PTPRT: variants seen among roughly 807,000 people sequenced by gnomAD.
PTPRT encodes the protein receptor-type tyrosine-protein phosphatase T.
PTPRT carries 56 observed loss-of-function variants against 176.8 expected under a neutral mutation model. That is an observed-to-expected ratio of 0.32 (90% CI 0.26 to 0.40). PTPRT has a LOEUF of 0.40. Ranked by LOEUF, PTPRT falls within the 10% of genes least tolerant of loss-of-function variation. The pLI, the probability that PTPRT is intolerant of heterozygous loss-of-function variation, is 1.00. For synonymous variants in PTPRT, 783 were observed against 739.0 expected (o/e 1.06, Z -0.96); for missense variants, 1,540 against 1,908.2 (o/e 0.81, Z 3.60).
At chr20:42,600,288 C>T (rs146155121) in intron 7 of PTPRT, among the ~76,000 whole-genome samples, 2 of 151,880 alleles carry the variant, frequency 1.3e-5, no homozygotes, top group East Asian at 1.9e-4. Context: ...TACAGGTGTG[C>T]GCCATAAAGT....
intron 7 of PTPRT, among the ~76,000 whole-genome samples, chr20:42,542,820 T>C (rs1470801590): frequency 6.6e-6 from 1 of 152,224 alleles, no homozygotes; most frequent in East Asian, 1.9e-4. Flanking sequence ...AAGCTCTTTA[T>C]GTAATCAAGT....
chr20:42,260,168 TAGACTACAAA>T (rs1160307846), intron 13 of PTPRT, among the ~76,000 whole-genome samples: 1 of 102,814 alleles, frequency 9.7e-6, no homozygotes. Context: ...TAAACAAAAC[TAGACTACAAA>T]CTTGATTTCC....
At chr20:42,520,806 T>C (rs1205628047) in intron 7 of PTPRT, among the ~76,000 whole-genome samples, 1 of 147,448 alleles carries the variant, frequency 6.8e-6, no homozygotes, top group Non-Finnish European at 1.5e-5. Flanking sequence ...GAAAGACATA[T>C]ATATATATAT....
At chr20:42,492,810 T>C (rs2145381446) in intron 7 of PTPRT, among the ~76,000 whole-genome samples, 1 of 152,294 alleles carries the variant, frequency 6.6e-6, no homozygotes, top group Non-Finnish European at 1.5e-5. Flanking sequence ...CTAATACATG[T>C]TCTATTTTTG....
intron 7 of PTPRT, among the ~76,000 whole-genome samples, chr20:42,651,648 A>G (rs1278303286): frequency 6.6e-6 from 1 of 152,146 alleles, no homozygotes; most frequent in Non-Finnish European, 1.5e-5. Flanking sequence ...CTGAGCAGAG[A>G]CACTGGAAGC....
chr20:42,184,855 C>T (rs1408302405), intron 16 of PTPRT, among the ~76,000 whole-genome samples: 7 of 149,324 alleles, frequency 4.7e-5, no homozygotes, highest in African/African-American at 9.9e-5. Flanking sequence ...AGAGTGGTCT[C>T]GAACTTCTGA....
intron 1 of PTPRT, among the ~76,000 whole-genome samples, chr20:42,969,948 T>C (rs997636150): frequency 9.2e-5 from 14 of 152,090 alleles, no homozygotes; most frequent in Admixed American, 2.6e-4. Context: ...TTAAACCCAT[T>C]ATATGGATGA....
At chr20:42,352,943 A>T (rs1196519250) in intron 9 of PTPRT, among the ~76,000 whole-genome samples, 1 of 151,336 alleles carries the variant, frequency 6.6e-6, no homozygotes, top group Admixed American at 6.6e-5. Context: ...AAAAGAAGTA[A>T]AAAAAAAAGA....
chr20:43,049,954 G>A (rs1173588457), intron 1 of PTPRT, among the ~76,000 whole-genome samples: 1 of 152,180 alleles, frequency 6.6e-6, no homozygotes, highest in Non-Finnish European at 1.5e-5. Flanking sequence ...CTGAGCTGCT[G>A]GGGTACTATC....
chr20:42,483,589 G>A (rs58811143), intron 7 of PTPRT, among the ~76,000 whole-genome samples: 18,687 of 152,204 alleles, frequency 0.12, 1,236 homozygotes, highest in East Asian at 0.21. Context: ...GTAAAATTGG[G>A]TCCAATCAGG....
At chr20:42,429,614 A>G (rs1158516962) in intron 9 of PTPRT, among the ~76,000 whole-genome samples, 1 of 152,208 alleles carries the variant, frequency 6.6e-6, no homozygotes, top group Non-Finnish European at 1.5e-5. Context: ...GGTGGAGGGA[A>G]GACATGAAGG....
In PTPRT at chr20:42,883,595, C is replaced by A. The variant is rs191181305; in HGVS notation, c.214+2212G>T. On this transcript the variant is annotated intron_variant, in intron 2 of 30. Transcript: ENST00000373187. ...GGGCTTTAAGTGGACTAAAGATGAG[C>A]AGAAAGAGCATATGTGAATACACAC... 2.6e-5 allele frequency among the ~76,000 whole-genome samples: 4 copies of A among 151,126 alleles called. No homozygotes were observed. In the East Asian group the frequency reaches 7.8e-4, roughly 29 times the overall value.
At chr20:42,067,959 G>A (rs1460481361), downstream of PTPRT, among the ~76,000 whole-genome samples, 1 of 152,206 alleles carries the variant, frequency 6.6e-6, no homozygotes, top group African/African-American at 2.4e-5. Flanking sequence ...GAAGGAACGA[G>A]AAAGAGGTAT....
chr20:42,408,449 T>C (rs1479604973), intron 9 of PTPRT, among the ~76,000 whole-genome samples: 4 of 152,150 alleles, frequency 2.6e-5, no homozygotes, highest in African/African-American at 9.7e-5. Context: ...TGTAAGGTGA[T>C]GTTTTCTTGA....
At chr20:42,717,766 G>C (rs1023267994) in intron 6 of PTPRT, among the ~76,000 whole-genome samples, 5 of 152,088 alleles carry the variant, frequency 3.3e-5, no homozygotes, top group African/African-American at 1.2e-4. Flanking sequence ...CAAGGACTCA[G>C]ATCTAGTAAA....
chr20:42,976,972 T>C (rs978032514), intron 1 of PTPRT, among the ~76,000 whole-genome samples: 1 of 152,230 alleles, frequency 6.6e-6, no homozygotes, highest in African/African-American at 2.4e-5. Context: ...GAAGAGGTCA[T>C]GTATGACATA....
intron 11 of PTPRT, among the ~76,000 whole-genome samples, chr20:42,345,573 TAC>T (rs1324978399): frequency 9.7e-6 from 1 of 102,620 alleles, no homozygotes; most frequent in Non-Finnish European, 2.0e-5. Context: ...TATATATACA[TAC>T]ATATATATGT....
intron 6 of PTPRT, among the ~76,000 whole-genome samples, chr20:42,706,517 C>G (rs1343936576): frequency 6.6e-6 from 1 of 151,958 alleles, no homozygotes; most frequent in Non-Finnish European, 1.5e-5. Flanking sequence ...GCTAATATCT[C>G]AACATTTTGT....
At chr20:42,372,572 A>G (rs2058601083) in intron 9 of PTPRT, among the ~76,000 whole-genome samples, 1 of 152,162 alleles carries the variant, frequency 6.6e-6, no homozygotes, top group East Asian at 1.9e-4. Context: ...GGCGTGAGCC[A>G]CTATGCCAAG....
Sources: gnomAD v4.1 joint callset for allele counts (sites outside exome capture counted in the v4.1 genomes callset) on GRCh38, gnomAD v4.1.1 for gene constraint, MANE v1.5 for transcripts, NCBI Gene and HGNC (gene_info 2026-07-23, HGNC 2026-07-21) for gene names.